Variants in ZFP64 observed in about 807,000 individuals in gnomAD.
ZFP64 encodes the protein zinc finger protein 64.
Under a neutral mutation model 51.6 loss-of-function variants are expected in ZFP64, and 14 were observed. The ratio of observed to expected loss-of-function variants is 0.27; its 90% confidence interval spans 0.18 to 0.42. ZFP64 has a LOEUF of 0.42. ZFP64 is among the 10% of genes least tolerant of loss of function. The pLI is 1.00. For synonymous variants in ZFP64, 375 were observed against 361.4 expected (o/e 1.04, Z -0.43); for missense variants, 754 against 906.8 (o/e 0.83, Z 2.16).
In ZFP64 at chr20:52,152,280, T is replaced by C. The variant is rs140887206; in HGVS notation, c.1912A>G (p.Ile638Val). Reference sequence around the variant, plus strand: ...GGTGGCGCTGTGGTGGCCACTGCGATGTTCTGGCCTCCATCGCTCACCACT... The same window carrying C: ...GGTGGCGCTGTGGTGGCCACTGCGACGTTCTGGCCTCCATCGCTCACCACT... The part of the protein sequence containing the change: ...VTVVSDGGQN[I>V]AVATTAPPVF... The change falls in exon 6 of 6, where the codon ATC becomes GTC. Residue 638 changes from isoleucine (I) to valine (V), a missense_variant. Transcript: ENST00000216923. 3.7e-6 allele frequency: 6 copies of C among 1,614,158 alleles called. No homozygotes were observed. Among genetic ancestry groups the C allele is most frequent in the Non-Finnish European group, 5.1e-6 (6 of 1,180,026 alleles).
At chr20:52,151,264 T>C, downstream of ZFP64, 1 of 985,350 alleles carries the variant, frequency 1.0e-6, no homozygotes, top group Non-Finnish European at 1.2e-6. Flanking sequence ...CTCTAAAGAA[T>C]CATTAACATT....
At chr20:52,100,278 C>A (rs2079037021) in intron 5 of ZFP64, among the ~76,000 whole-genome samples, 2 of 152,102 alleles carry the variant, frequency 1.3e-5, no homozygotes, top group Admixed American at 1.3e-4. Flanking sequence ...CAGAGTCTCA[C>A]TCTGTCGCCC....
intron 5 of ZFP64, among the ~76,000 whole-genome samples, chr20:52,132,758 C>T (rs184770594): frequency 6.6e-6 from 1 of 152,288 alleles, no homozygotes; most frequent in East Asian, 1.9e-4. Flanking sequence ...GATGGCTTCA[C>T]TGCTGAATTC....
chr20:52,094,055 G>C (rs1219770236), intron 7 of ZFP64, among the ~76,000 whole-genome samples: 1 of 152,200 alleles, frequency 6.6e-6, no homozygotes, highest in Non-Finnish European at 1.5e-5. Flanking sequence ...CAAAGGTCAA[G>C]AACGCCTTCA....
At chr20:52,120,205 C>T (rs1377607323) in intron 5 of ZFP64, among the ~76,000 whole-genome samples, 3 of 152,154 alleles carry the variant, frequency 2.0e-5, no homozygotes, top group Non-Finnish European at 4.4e-5. Flanking sequence ...CTTGGACTTT[C>T]CAGCCTCTAG....
chr20:52,091,044 G>A (rs1241040925), intron 7 of ZFP64, among the ~76,000 whole-genome samples: 3 of 151,500 alleles, frequency 2.0e-5, no homozygotes, highest in Non-Finnish European at 1.5e-5. Context: ...GGTGAGCTCT[G>A]ATCATACCAC....
chr20:52,098,403 C>A, intron 6 of ZFP64: 2 of 1,610,508 alleles, frequency 1.2e-6, no homozygotes, highest in Non-Finnish European at 1.7e-6. Flanking sequence ...GTGCTTGGCT[C>A]AGAAGCGGCT....
At chr20:52,130,167 C>T (rs1254571667) in intron 5 of ZFP64, among the ~76,000 whole-genome samples, 1 of 152,134 alleles carries the variant, frequency 6.6e-6, no homozygotes, top group Non-Finnish European at 1.5e-5. Context: ...CCTGCCATGG[C>T]ACTTACCAGC....
chr20:52,118,726 A>T (rs887831954), intron 5 of ZFP64, among the ~76,000 whole-genome samples: 1 of 152,264 alleles, frequency 6.6e-6, no homozygotes, highest in Admixed American at 6.5e-5. Context: ...ATAAATAAGT[A>T]AACAGCTATA....
At chr20:52,116,237 G>A (rs1057410951) in intron 5 of ZFP64, among the ~76,000 whole-genome samples, 1 of 151,624 alleles carries the variant, frequency 6.6e-6, no homozygotes, top group East Asian at 1.9e-4. Context: ...CCAGGTTCCA[G>A]CGATTCTCCT....
intron 2 of ZFP64, among the ~76,000 whole-genome samples, chr20:52,183,171 G>T (rs1030016257): frequency 1.3e-5 from 2 of 152,164 alleles, no homozygotes; most frequent in Non-Finnish European, 2.9e-5. Context: ...TCCCCAGGAA[G>T]AATGCAGACC....
At chr20:52,178,578 C>G (rs1306271601) in intron 2 of ZFP64, among the ~76,000 whole-genome samples, 10 of 152,102 alleles carry the variant, frequency 6.6e-5, no homozygotes, top group Non-Finnish European at 1.2e-4. Context: ...CAATGGATCC[C>G]CAGCTCCTTC....
chr20:52,091,515 A>T (rs12481572), intron 7 of ZFP64, among the ~76,000 whole-genome samples: 26,484 of 152,136 alleles, frequency 0.17, 2,927 homozygotes, highest in South Asian at 0.42. Flanking sequence ...TCCATTAAAA[A>T]TTTCATATGG....
At chr20:52,176,457 T>C (rs1983218115) in intron 2 of ZFP64, among the ~76,000 whole-genome samples, 1 of 151,886 alleles carries the variant, frequency 6.6e-6, no homozygotes, top group African/African-American at 2.4e-5. Flanking sequence ...CTTTGAGCTG[T>C]ACAGTCTGGA....
chr20:52,161,826 T>C (rs556162640), intron 4 of ZFP64, among the ~76,000 whole-genome samples: 1 of 152,364 alleles, frequency 6.6e-6, no homozygotes, highest in East Asian at 1.9e-4. Context: ...TTAGGAGAGC[T>C]GACTTTTGGT....
chr20:52,169,225 A>G (rs538367326), intron 2 of ZFP64, among the ~76,000 whole-genome samples: 102 of 152,298 alleles, frequency 6.7e-4, no homozygotes, highest in Non-Finnish European at 1.3e-3. Flanking sequence ...GTCAACAGGG[A>G]TATATTACAG....
At chr20:52,182,638 G>C (rs1983692714) in intron 2 of ZFP64, among the ~76,000 whole-genome samples, 1 of 152,180 alleles carries the variant, frequency 6.6e-6, no homozygotes, top group Non-Finnish European at 1.5e-5. Context: ...AGGATTGCTT[G>C]AGCACAGAAG....
rs181338010 is a variant in ZFP64 at position 52,139,772 on chromosome 20, T to A, written c.763+20351A>T. ...ACATCAGAAACCAAAAGCCAAAATA[T>A]AGTTTCACAAATTGTAATACAGGCA... is the stretch of plus-strand genomic sequence containing the variant. On this transcript the variant is annotated intron_variant, in intron 5 of 8. Coordinates refer to the ZFP64 transcript ENST00000361387. Among the ~76,000 whole-genome samples, 3 of 151,914 alleles carry A rather than the reference T, an allele frequency of 2.0e-5. No homozygotes were observed. The East Asian group carries it at 5.8e-4, about 29-fold the overall frequency.
In ZFP64 at chr20:52,085,497, T is replaced by A. The variant is rs2078854885; in HGVS notation, c.1229-231A>T. ...ATGGGACAACTGAGGCTCAGAGAGGTCAAGTTACTTGGCTCAGGTCAAACA... is the reference window on the plus strand; with the variant it reads ...ATGGGACAACTGAGGCTCAGAGAGGACAAGTTACTTGGCTCAGGTCAAACA... On this transcript the variant is annotated intron_variant, in intron 8 of 8. Transcript: ENST00000361387. The surrounding 1 kb of genome is among the most constrained non-coding windows in gnomAD (Gnocchi z 4.3). 6.6e-6 allele frequency among the ~76,000 whole-genome samples: 1 copy of A among 152,118 alleles called. No homozygotes were observed. Among genetic ancestry groups the A allele is most frequent in the Admixed American group, 6.5e-5 (1 of 15,268 alleles).
Sources: allele counts gnomAD v4.1 joint callset (sites outside exome capture counted in the v4.1 genomes callset), GRCh38; gene constraint gnomAD v4.1.1; non-coding constraint Gnocchi (gnomAD v3.1); transcripts MANE v1.5; gene names NCBI Gene and HGNC (gene_info 2026-07-23, HGNC 2026-07-21).